The following LTBP2 variants were observed in gnomAD, a reference collection of about 807,000 sequenced individuals.
The protein encoded by LTBP2 is latent-transforming growth factor beta-binding protein 2.
In LTBP2, 103 loss-of-function variants were observed where a neutral mutation model predicts 210.6. The ratio of observed to expected loss-of-function variants is 0.49; its 90% confidence interval spans 0.42 to 0.58. The LOEUF is 0.58. LTBP2 is among the 20% of genes least tolerant of loss of function. The probability of loss-of-function intolerance (pLI) is 0.00; values close to 1 mark genes in which losing one functional copy is unlikely to be tolerated. For missense variants in LTBP2, 2,313 were observed against 2,494.5 expected, an observed-to-expected ratio of 0.93 and a Z score of 1.55; for synonymous variants, 1,007 against 1,015.0, an observed-to-expected ratio of 0.99 and a Z score of 0.15.
rs2087674397 is a variant in LTBP2, at chr14:74,552,482, A to G, written c.1193-89T>C. ...TGACCACCACAGAGAAACAGGCGGCAGAACCCTGACCCTAGATGGCTCCTG... is the reference window on the plus strand; with the variant it reads ...TGACCACCACAGAGAAACAGGCGGCGGAACCCTGACCCTAGATGGCTCCTG... On this transcript the variant is annotated intron_variant, in intron 5 of 35. Transcript: ENST00000261978. The G allele has an allele frequency of 5.5e-6, 7 of 1,265,274 alleles. No homozygotes were observed. The Admixed American group carries it at 1.3e-4, about 24-fold the overall frequency. 78.4% of individuals were successfully genotyped at this position (1,265,274 alleles called of 1,614,324 possible). A position where few individuals can be genotyped will look rare whatever the true frequency, so the allele number is the denominator to read the frequency against.
At chr14:74,523,569 T>A (rs2087235569) in intron 15 of LTBP2, among the ~76,000 whole-genome samples, 1 of 151,402 alleles carries the variant, frequency 6.6e-6, no homozygotes, top group African/African-American at 2.4e-5. Context: ...GGTGATGGGG[T>A]GAGAAGTGGG....
chr14:74,501,099 T>C, intron 35 of LTBP2, 70 bp from the exon 36 acceptor site: 1 of 1,539,288 alleles, frequency 6.5e-7, no homozygotes, highest in Non-Finnish European at 8.9e-7. Flanking sequence ...ACCTCTCTGG[T>C]TAGTAAGCCC....
intron 17 of LTBP2, among the ~76,000 whole-genome samples, chr14:74,518,141 T>C (rs577729887): frequency 6.6e-6 from 1 of 152,300 alleles, no homozygotes; most frequent in Admixed American, 6.5e-5. Context: ...GTCAAATTAA[T>C]CAAGGCCTCA....
intron 4 of LTBP2, among the ~76,000 whole-genome samples, chr14:74,554,123 C>G (rs1271273584): frequency 6.6e-6 from 1 of 152,044 alleles, no homozygotes; most frequent in Admixed American, 6.6e-5. Context: ...GGACACCTCC[C>G]CCTCAAGATG....
At chr14:74,585,308 C>G (rs926844213) in intron 3 of LTBP2, among the ~76,000 whole-genome samples, 1 of 152,212 alleles carries the variant, frequency 6.6e-6, no homozygotes, top group Non-Finnish European at 1.5e-5. Flanking sequence ...TCCTACATCA[C>G]AGGGACCACA....
intron 8 of LTBP2, among the ~76,000 whole-genome samples, chr14:74,540,886 AT>A (rs2087497420): frequency 1.2e-5 from 1 of 84,532 alleles, no homozygotes; most frequent in Non-Finnish European, 2.6e-5. Context: ...TAATATATAT[AT>A]TATATATTAA....
chr14:74,580,833 C>T (rs2088126522), intron 3 of LTBP2, among the ~76,000 whole-genome samples: 1 of 152,056 alleles, frequency 6.6e-6, no homozygotes, highest in African/African-American at 2.4e-5. Flanking sequence ...GTGGTGCACA[C>T]CTGTAGTCTC....
chr14:74,500,896 A>G lies in LTBP2; in HGVS notation c.5454T>C (p.Thr1818=). 1 of 1,614,116 alleles carries G rather than the reference A, an allele frequency of 6.2e-7. No individual in the cohort carries two copies. The highest frequency in any genetic ancestry group is 8.5e-7 in the Non-Finnish European group (1 of 1,180,022). The change falls in exon 36 of 36, where the codon ACT becomes ACC. Residue 1818 remains threonine, a synonymous_variant. Coordinates refer to ENST00000261978, the MANE Select transcript of LTBP2 (RefSeq NM_000428.3). ...TGACCCCTGACTGCTACTCCTTGGC[A>G]GTGCAGTGGGGGGGCCCTGCCTCAG... ...YVAEAGPPHC[T]AKE
intron 3 of LTBP2, among the ~76,000 whole-genome samples, chr14:74,564,451 G>C (rs1380187017): frequency 2.2e-5 from 3 of 136,192 alleles, no homozygotes; most frequent in Non-Finnish European, 4.6e-5. Flanking sequence ...CTGAAGTGCA[G>C]TGACGCAGTC....
At position 74,528,597 on chromosome 14, in the gene LTBP2, GC is replaced by G. The variant is rs2087308011; in HGVS notation, c.2253del (p.Arg751SerfsTer80). ...CTCCTCTGCCCTTGCTCCCTTGGGG[GC>G]CTTGCCAGTTCCTCCTCCTCGGCTT... The part of the protein sequence containing the change: ...MRKAEEEELA[R>X]PPREQGQRSS... On this transcript the variant is annotated frameshift_variant, in exon 12 of 36. Transcript: ENST00000261978. LOFTEE classifies it high-confidence loss of function. 1 of 1,613,576 alleles carries G rather than the reference GC, an allele frequency of 6.2e-7. No individual in the cohort carries two copies. The highest frequency in any genetic ancestry group is 8.5e-7 in the Non-Finnish European group (1 of 1,180,052).
At chr14:74,559,092 C>A (rs1032535475) in intron 3 of LTBP2, among the ~76,000 whole-genome samples, 5 of 152,084 alleles carry the variant, frequency 3.3e-5, no homozygotes, top group Non-Finnish European at 7.4e-5. Context: ...TTTTAAATTG[C>A]AGAAACAAGG....
At chr14:74,523,418 T>C (rs1387589209) in intron 15 of LTBP2, among the ~76,000 whole-genome samples, 1 of 151,704 alleles carries the variant, frequency 6.6e-6, no homozygotes, top group African/African-American at 2.4e-5. Flanking sequence ...GTAACAAGGA[T>C]TTTGTGAAAG....
rs1214097104 is a variant in LTBP2, at chr14:74,498,596, T to C, written c.*2288A>G. 2 of 230,300 alleles carry C rather than the reference T, an allele frequency of 8.7e-6. No homozygotes were observed. Among genetic ancestry groups the C allele is most frequent in the African/African-American group, 2.2e-5 (1 of 45,148 alleles). 14.3% of individuals were successfully genotyped at this position (230,300 alleles called of 1,614,324 possible). ...ATTTGTATTTTAAACAAAGGAAATA[T>C]GTATATATGCATACAATATCTCAAG... On this transcript the variant is annotated 3_prime_UTR_variant, in exon 36 of 36. Coordinates refer to ENST00000261978, the MANE Select transcript of LTBP2 (RefSeq NM_000428.3).
chr14:74,597,681 C>T (rs996260050), intron 2 of LTBP2, among the ~76,000 whole-genome samples: 1 of 152,218 alleles, frequency 6.6e-6, no homozygotes, highest in African/African-American at 2.4e-5. Context: ...AGGGTACCCC[C>T]ATGCAGGGGT....
Position 74,560,682 on chromosome 14 carries a change from A to G in LTBP2, c.831-4989T>C, listed in dbSNP as rs2087782571. ...CAAAAACAGCTGGCCCATCATATCC[A>G]TGGGTTCTGCCTCTGCAGATTCAAC... On this transcript the variant is annotated intron_variant, in intron 3 of 35. Transcript: ENST00000261978. Among the ~76,000 whole-genome samples the G allele has an allele frequency of 2.0e-5, 3 of 152,200 alleles. No individual in the cohort carries two copies. In the South Asian group the frequency reaches 6.2e-4, roughly 31 times the overall value.
In LTBP2 at chr14:74,526,849, G is replaced by A. The variant is rs1440974552; in HGVS notation, c.2388+498C>T. Among the ~76,000 whole-genome samples, 3 of 152,258 alleles carry A rather than the reference G, an allele frequency of 2.0e-5. No homozygotes were observed. In the South Asian group the frequency reaches 6.2e-4, roughly 32 times the overall value. On this transcript the variant is annotated intron_variant, in intron 13 of 35. Coordinates refer to ENST00000261978, the MANE Select transcript of LTBP2 (RefSeq NM_000428.3). ...CCCAGGTTTTCCCAGGGGAATCTTG[G>A]GCACAGGGAAGGGAGTTGGATGCAC...
In LTBP2 at chr14:74,555,583, G is replaced by T. The variant is rs1187674723; in HGVS notation, c.941C>A (p.Ala314Asp). 35 of 1,612,238 alleles carry T rather than the reference G, an allele frequency of 2.2e-5. No homozygotes were observed. Among genetic ancestry groups the T allele is most frequent in the Non-Finnish European group, 3.0e-5 (35 of 1,179,014 alleles). ...CTCAAGGCCTGGTCCCGGGGGCAGGGCGTTGGAAGAGAGCTGGCTACTGGC... is the reference window on the plus strand; with the variant it reads ...CTCAAGGCCTGGTCCCGGGGGCAGGTCGTTGGAAGAGAGCTGGCTACTGGC... The part of the protein sequence containing the change: ...ATASSQLSSN[A>D]LPPGPGLEQR... Residue 314 changes from alanine to aspartate, a missense_variant, in exon 4 of 36, where the codon GCC becomes GAC. By Grantham distance (126) the Ala-to-Asp change is moderately radical (BLOSUM62 -2). Around this residue, in one of 3 missense-constraint regions of LTBP2, gnomAD observed 1,867 missense variants for 1,976.9 expected, o/e 0.94. Coordinates refer to ENST00000261978, the MANE Select transcript of LTBP2 (RefSeq NM_000428.3).
chr14:74,500,654 G>C lies in LTBP2; in HGVS notation c.*230C>G. 1.6e-6 allele frequency: 1 copy of C among 607,878 alleles called. No homozygotes were observed. The highest frequency in any genetic ancestry group is 3.0e-6 in the Non-Finnish European group (1 of 338,290). 37.7% of individuals were successfully genotyped at this position (607,878 alleles called of 1,614,324 possible). ...AAAGGTGGTGGACAGGGCCTCATGC[G>C]GTGGCTGAAGCATTAAAGCGATTGG... On this transcript the variant is annotated 3_prime_UTR_variant, in exon 36 of 36. Coordinates refer to ENST00000261978, the MANE Select transcript of LTBP2 (RefSeq NM_000428.3).
At chr14:74,509,186 C>T (rs1566615928) in intron 22 of LTBP2, 52 bp downstream of exon 22, 27 of 1,612,724 alleles carry the variant, frequency 1.7e-5, no homozygotes, top group Non-Finnish European at 2.3e-5. Context: ...TCACCATGGC[C>T]CTGACAGAGG....
Sources: allele counts gnomAD v4.1 joint callset (sites outside exome capture counted in the v4.1 genomes callset), GRCh38; gene constraint gnomAD v4.1.1; regional missense constraint gnomAD v4.1.1; transcripts MANE v1.5; gene names NCBI Gene and HGNC (gene_info 2026-07-23, HGNC 2026-07-21).